The following TRMT11 variants were observed in gnomAD, a reference collection of about 807,000 sequenced individuals.
TRMT11 encodes the protein tRNA (guanine(10)-N(2))-methyltransferase TRMT11.
In TRMT11, 53 loss-of-function variants were observed where a neutral mutation model predicts 62.8. The ratio of observed to expected loss-of-function variants is 0.84; its 90% confidence interval spans 0.68 to 1.06. The LOEUF is 1.06. Among genes scored for constraint, TRMT11 ranks in the 50% least tolerant of loss-of-function variants. The pLI, the probability that TRMT11 is intolerant of heterozygous loss-of-function variation, is 0.00. For synonymous variants in TRMT11, 188 were observed against 190.3 expected (o/e 0.99, Z 0.10); for missense variants, 556 against 553.4 (o/e 1.00, Z -0.05).
intron 21 of TRMT11, among the ~76,000 whole-genome samples, chr6:126,134,722 AG>A (rs2128209177): frequency 6.6e-6 from 1 of 152,072 alleles, no homozygotes; most frequent in South Asian, 2.1e-4. Context: ...AACATTCTTC[AG>A]GACAGACCAT....
the TRMT11 span, among the ~76,000 whole-genome samples, chr6:126,226,447 A>G: frequency 1.3e-5 from 2 of 152,238 alleles, no homozygotes; most frequent in Non-Finnish European, 2.9e-5. Context: ...AACCAAAATA[A>G]TCATATTCAT....
chr6:126,027,061 C>T (rs1049117986), intron 12 of TRMT11, among the ~76,000 whole-genome samples: 2 of 152,068 alleles, frequency 1.3e-5, no homozygotes, highest in Admixed American at 1.3e-4. Flanking sequence ...CAGCCTCGGC[C>T]TCCCAAAGTG....
chr6:126,075,844 G>A (rs1169038432), intron 17 of TRMT11, among the ~76,000 whole-genome samples: 1 of 152,130 alleles, frequency 6.6e-6, no homozygotes, highest in African/African-American at 2.4e-5. Context: ...CAAGGTCATG[G>A]TTGCAAAGGA....
chr6:126,134,052 A>T (rs971798894), intron 21 of TRMT11, among the ~76,000 whole-genome samples: 2 of 151,950 alleles, frequency 1.3e-5, no homozygotes, highest in African/African-American at 2.4e-5. Flanking sequence ...AGAGCAAAAA[A>T]TTAATAAGAT....
intron 17 of TRMT11, among the ~76,000 whole-genome samples, chr6:126,098,387 C>G (rs2128175381): frequency 6.6e-6 from 1 of 152,242 alleles, no homozygotes; most frequent in East Asian, 1.9e-4. Context: ...TATGTGAATC[C>G]TGTATGTTCC....
At chr6:126,072,537 G>A (rs766327082) in intron 17 of TRMT11, among the ~76,000 whole-genome samples, 15 of 152,136 alleles carry the variant, frequency 9.9e-5, no homozygotes, top group African/African-American at 2.9e-4. Context: ...CCAAGAGCTC[G>A]TCTGTAAAAT....
chr6:126,056,994 T>C (rs1351668678), intron 17 of TRMT11, among the ~76,000 whole-genome samples: 2 of 152,228 alleles, frequency 1.3e-5, no homozygotes, highest in South Asian at 4.1e-4. Context: ...TCAATGTCCT[T>C]CTGTTCAGTG....
chr6:126,072,840 A>G (rs1776897005), intron 17 of TRMT11, among the ~76,000 whole-genome samples: 1 of 152,114 alleles, frequency 6.6e-6, no homozygotes. Flanking sequence ...CCATTCATGA[A>G]TGTTCCACCC....
chr6:126,040,873 G>A (rs973252061), downstream of TRMT11, among the ~76,000 whole-genome samples: 2 of 152,196 alleles, frequency 1.3e-5, no homozygotes, highest in African/African-American at 2.4e-5. Context: ...TAATAGCTGG[G>A]AGGAAATAGT....
intron 1 of TRMT11, among the ~76,000 whole-genome samples, chr6:126,196,822 A>G (rs1778672467): frequency 6.6e-6 from 1 of 152,162 alleles, no homozygotes; most frequent in Non-Finnish European, 1.5e-5. Context: ...TAATGCCATT[A>G]AATTTCCATT....
chr6:126,059,263 T>C (rs1043928686), intron 17 of TRMT11, among the ~76,000 whole-genome samples: 2 of 152,120 alleles, frequency 1.3e-5, no homozygotes, highest in South Asian at 4.2e-4. Context: ...TACTATAAAC[T>C]GAGTTAGTTA....
intron 17 of TRMT11, among the ~76,000 whole-genome samples, chr6:126,089,446 T>A (rs985887549): frequency 2.0e-5 from 3 of 152,134 alleles, no homozygotes; most frequent in Non-Finnish European, 1.5e-5. Context: ...AGACTATTTA[T>A]TTGAATCATG....
intron 17 of TRMT11, among the ~76,000 whole-genome samples, chr6:126,090,794 G>A (rs989915220): frequency 1.3e-5 from 2 of 152,114 alleles, no homozygotes; most frequent in Non-Finnish European, 2.9e-5. Context: ...ATACACGTGC[G>A]GTATGGGTGT....
chr6:126,184,822 T>A (rs1562343465), intron 1 of TRMT11, among the ~76,000 whole-genome samples: 1 of 152,162 alleles, frequency 6.6e-6, no homozygotes. Context: ...TTCTTTAAGA[T>A]GAGAGGCTGC....
chr6:126,066,748 T>A (rs1160524992), intron 17 of TRMT11, among the ~76,000 whole-genome samples: 1 of 152,106 alleles, frequency 6.6e-6, no homozygotes, highest in Non-Finnish European at 1.5e-5. Flanking sequence ...GTTACACTTG[T>A]CCTGAGGGCA....
At chr6:126,214,549 C>T in the TRMT11 span, among the ~76,000 whole-genome samples, 1 of 151,810 alleles carries the variant, frequency 6.6e-6, no homozygotes, top group East Asian at 1.9e-4. Flanking sequence ...CCTTAATAAT[C>T]CTTTGAATTT....
the TRMT11 span, among the ~76,000 whole-genome samples, chr6:126,245,061 T>C: frequency 6.6e-6 from 1 of 152,238 alleles, no homozygotes; most frequent in Non-Finnish European, 1.5e-5. Context: ...TGACATATGA[T>C]TTCCAATCTG....
At chr6:126,193,159 G>C (rs995530391) in intron 1 of TRMT11, among the ~76,000 whole-genome samples, 1 of 151,828 alleles carries the variant, frequency 6.6e-6, no homozygotes, top group African/African-American at 2.4e-5. Context: ...GTTTAATCCT[G>C]GTAGGTTGTA....
chr6:126,171,960 C>T (rs1313917195), intron 21 of TRMT11, among the ~76,000 whole-genome samples: 1 of 152,118 alleles, frequency 6.6e-6, no homozygotes, highest in East Asian at 1.9e-4. Flanking sequence ...CTCAGGTGAT[C>T]CACCCGCCTC....
Sources: allele counts gnomAD v4.1 joint callset (sites outside exome capture counted in the v4.1 genomes callset), GRCh38; gene constraint gnomAD v4.1.1; transcripts MANE v1.5; gene names NCBI Gene and HGNC (gene_info 2026-07-23, HGNC 2026-07-21).